Variants in DCC observed in about 807,000 individuals in gnomAD.
DCC encodes the protein netrin receptor DCC.
DCC carries 58 observed loss-of-function variants against 172.5 expected under a neutral mutation model. The ratio of observed to expected loss-of-function variants is 0.34; its 90% confidence interval spans 0.27 to 0.42. The LOEUF (loss-of-function observed/expected upper bound fraction) is 0.42. Ranked by LOEUF, DCC falls within the 10% of genes least tolerant of loss-of-function variation. The pLI, the probability that DCC is intolerant of heterozygous loss-of-function variation, is 1.00. For missense variants in DCC, 1,740 were observed against 1,791.0 expected (o/e 0.97, Z 0.51); for synonymous variants, 709 against 644.5 (o/e 1.10, Z -1.52).
intron 1 of DCC, among the ~76,000 whole-genome samples, chr18:52,683,528 GA>G (rs2035782407): frequency 6.6e-6 from 1 of 152,014 alleles, no homozygotes; most frequent in East Asian, 1.9e-4. Flanking sequence ...GAACTCAACT[GA>G]CAAAAAGTCT....
intron 7 of DCC, 120 bp from the exon 8 acceptor site, chr18:53,157,236 G>C: frequency 8.1e-7 from 1 of 1,231,878 alleles, no homozygotes; most frequent in Non-Finnish European, 1.2e-6. Flanking sequence ...TTTCTTCCTT[G>C]CTTTAGAATC....
At chr18:52,364,909 AT>A (rs373303767) in intron 1 of DCC, among the ~76,000 whole-genome samples, 34 of 152,168 alleles carry the variant, frequency 2.2e-4, no homozygotes, top group Non-Finnish European at 4.0e-4. Context: ...CTCCCACTAT[AT>A]TTTTTCTTCA....
At chr18:52,507,835 T>C (rs970480691) in intron 1 of DCC, among the ~76,000 whole-genome samples, 4 of 152,152 alleles carry the variant, frequency 2.6e-5, no homozygotes, top group African/African-American at 9.7e-5. Flanking sequence ...GCACAGTGGC[T>C]TATACCTGTA....
At chr18:53,459,883 T>A (rs1264139436) in intron 24 of DCC, among the ~76,000 whole-genome samples, 1 of 152,118 alleles carries the variant, frequency 6.6e-6, no homozygotes, top group Non-Finnish European at 1.5e-5. Context: ...GTCAATTCCC[T>A]GTTTTAAAAA....
intron 2 of DCC, among the ~76,000 whole-genome samples, chr18:52,886,061 C>T (rs1051810945): frequency 6.6e-6 from 1 of 151,716 alleles, no homozygotes; most frequent in Non-Finnish European, 1.5e-5. Context: ...CTTCTCTCTC[C>T]TCACCTCAAG....
At chr18:52,826,592 G>C (rs7238109) in intron 2 of DCC, among the ~76,000 whole-genome samples, 40,031 of 151,870 alleles carry the variant, frequency 0.26, 5,403 homozygotes, top group South Asian at 0.3. Flanking sequence ...GCAACTCTCC[G>C]GCCTCAGCTT....
chr18:52,702,174 T>G (rs1359750946), intron 1 of DCC, among the ~76,000 whole-genome samples: 1 of 152,172 alleles, frequency 6.6e-6, no homozygotes, highest in Non-Finnish European at 1.5e-5. Context: ...AACTGGATTC[T>G]TCAGCCTCTT....
chr18:52,503,903 C>T (rs1039448853), intron 1 of DCC, among the ~76,000 whole-genome samples: 4 of 152,136 alleles, frequency 2.6e-5, no homozygotes, highest in African/African-American at 9.7e-5. Flanking sequence ...ACAGGTGACT[C>T]TACTGCACCC....
chr18:53,026,763 A>G (rs67277226), intron 5 of DCC, among the ~76,000 whole-genome samples: 8,084 of 151,950 alleles, frequency 0.053, 388 homozygotes, highest in East Asian at 0.21. Context: ...CAGTCTTACT[A>G]TGTTGTCCAG....
intron 22 of DCC, among the ~76,000 whole-genome samples, chr18:53,436,055 A>G (rs943030688): frequency 1.3e-5 from 2 of 152,230 alleles, no homozygotes; most frequent in Non-Finnish European, 2.9e-5. Flanking sequence ...TGAAATATAC[A>G]GCATGGAATT....
chr18:53,469,990 T>G (rs2145188354), intron 25 of DCC, among the ~76,000 whole-genome samples: 1 of 152,262 alleles, frequency 6.6e-6, no homozygotes, highest in Admixed American at 6.5e-5. Flanking sequence ...GCTTGCAATG[T>G]ACTAGATGCC....
chr18:52,603,929 T>C (rs2034074768), intron 1 of DCC, among the ~76,000 whole-genome samples: 1 of 152,132 alleles, frequency 6.6e-6, no homozygotes, highest in African/African-American at 2.4e-5. Flanking sequence ...TGTTTTCTTC[T>C]GAATTTTGAA....
At chr18:52,782,016 A>C (rs977976045) in intron 2 of DCC, among the ~76,000 whole-genome samples, 4 of 152,176 alleles carry the variant, frequency 2.6e-5, no homozygotes, top group Admixed American at 1.3e-4. Context: ...TAAAGAAAAT[A>C]ATTTCTGAAT....
At chr18:52,696,390 T>C (rs925373709) in intron 1 of DCC, among the ~76,000 whole-genome samples, 2 of 152,162 alleles carry the variant, frequency 1.3e-5, no homozygotes, top group Non-Finnish European at 2.9e-5. Context: ...AGAAGAGTGA[T>C]AGAGCCAAAT....
At chr18:52,956,089 A>C (rs2040737469) in intron 5 of DCC, among the ~76,000 whole-genome samples, 1 of 151,830 alleles carries the variant, frequency 6.6e-6, no homozygotes, top group Admixed American at 6.6e-5. Flanking sequence ...CTTATCAATG[A>C]TCTCTTTCAT....
intron 22 of DCC, among the ~76,000 whole-genome samples, chr18:53,437,621 G>T (rs1280420914): frequency 1.4e-5 from 2 of 141,506 alleles, no homozygotes; most frequent in Middle Eastern, 3.7e-3. Context: ...GCTCACAGAA[G>T]GTGAGAGGAG....
intron 1 of DCC, among the ~76,000 whole-genome samples, chr18:52,593,990 G>A (rs1437050650): frequency 6.6e-6 from 1 of 152,184 alleles, no homozygotes; most frequent in East Asian, 1.9e-4. Context: ...CAGAAAGTCA[G>A]AGACCTACAA....
chr18:53,282,415 G>A (rs2056883213), intron 12 of DCC, among the ~76,000 whole-genome samples: 1 of 152,096 alleles, frequency 6.6e-6, no homozygotes, highest in Non-Finnish European at 1.5e-5. Context: ...AACTCATACA[G>A]AAGAGGCAAG....
At chr18:52,639,032 G>C (rs1358756166) in intron 1 of DCC, among the ~76,000 whole-genome samples, 1 of 152,102 alleles carries the variant, frequency 6.6e-6, no homozygotes, top group African/African-American at 2.4e-5. Flanking sequence ...CATATACATG[G>C]AAATTAAATA....
Sources: gnomAD v4.1 joint callset for allele counts (sites outside exome capture counted in the v4.1 genomes callset) on GRCh38, gnomAD v4.1.1 for gene constraint, MANE v1.5 for transcripts, NCBI Gene and HGNC (gene_info 2026-07-23, HGNC 2026-07-21) for gene names.